The following CIMIP6 variants were observed in gnomAD, a reference collection of about 807,000 sequenced individuals.
The protein encoded by CIMIP6 is uncharacterized protein C2orf73.
the CIMIP6 span, among the ~76,000 whole-genome samples, chr2:54,372,527 T>G: frequency 6.6e-6 from 1 of 151,846 alleles, no homozygotes; most frequent in Non-Finnish European, 1.5e-5. Context: ...AAGGCAGGAG[T>G]GATGACAGGA....
chr2:54,343,647 C>A, the CIMIP6 span: 2 of 1,101,802 alleles, frequency 1.8e-6, no homozygotes, highest in Non-Finnish European at 2.5e-6. Flanking sequence ...TACTGAATAT[C>A]CATAGACATC....
the CIMIP6 span, among the ~76,000 whole-genome samples, chr2:54,333,155 C>A: frequency 2.0e-5 from 3 of 152,118 alleles, no homozygotes; most frequent in Non-Finnish European, 4.4e-5. Context: ...ACAATGTACA[C>A]CTTCATGGAA....
chr2:54,336,264 A>G, the CIMIP6 span, among the ~76,000 whole-genome samples: 12 of 152,278 alleles, frequency 7.9e-5, no homozygotes, highest in African/African-American at 2.9e-4. Context: ...TTTTGTGGTC[A>G]TTCCCTTCCT....
At chr2:54,373,552 C>T in the CIMIP6 span, among the ~76,000 whole-genome samples, 7 of 152,188 alleles carry the variant, frequency 4.6e-5, no homozygotes, top group African/African-American at 1.7e-4. Context: ...TAATACGTGC[C>T]CTGCAAATGC....
chr2:54,379,476 G>A, the CIMIP6 span, among the ~76,000 whole-genome samples: 1 of 152,140 alleles, frequency 6.6e-6, no homozygotes. Context: ...AGATTCTTGG[G>A]GATGAGGTGA....
chr2:54,342,199 T>C, the CIMIP6 span, among the ~76,000 whole-genome samples: 2 of 152,176 alleles, frequency 1.3e-5, no homozygotes, highest in African/African-American at 4.8e-5. Context: ...TCATCAGCTC[T>C]TCAGGGCTTA....
the CIMIP6 span, among the ~76,000 whole-genome samples, chr2:54,336,605 TGGG>T: frequency 1.3e-5 from 2 of 151,908 alleles, no homozygotes; most frequent in Non-Finnish European, 2.9e-5. Flanking sequence ...ATAAAGTAAA[TGGG>T]GGAAAAAAAT....
chr2:54,372,605 G>A, the CIMIP6 span, among the ~76,000 whole-genome samples: 2 of 152,188 alleles, frequency 1.3e-5, no homozygotes, highest in African/African-American at 4.8e-5. Context: ...CTGCTGTGCT[G>A]TGAGGTCATG....
At chr2:54,351,868 C>T in the CIMIP6 span, among the ~76,000 whole-genome samples, 2 of 151,996 alleles carry the variant, frequency 1.3e-5, no homozygotes, top group Non-Finnish European at 2.9e-5. Flanking sequence ...AAAACATTTC[C>T]AAATCCTTAA....
At chr2:54,332,157 C>T in the CIMIP6 span, among the ~76,000 whole-genome samples, 2 of 152,140 alleles carry the variant, frequency 1.3e-5, no homozygotes, top group African/African-American at 4.8e-5. Context: ...AATGCTTTTC[C>T]CACAAATATG....
the CIMIP6 span, among the ~76,000 whole-genome samples, chr2:54,332,526 C>T: frequency 6.6e-6 from 1 of 152,200 alleles, no homozygotes; most frequent in Non-Finnish European, 1.5e-5. Context: ...GAGACAAAGG[C>T]TCAGATATGG....
chr2:54,376,351 A>G, the CIMIP6 span, among the ~76,000 whole-genome samples: 1 of 152,212 alleles, frequency 6.6e-6, no homozygotes, highest in African/African-American at 2.4e-5. Flanking sequence ...TTGAAGAAAA[A>G]TAAAATCCAA....
the CIMIP6 span, among the ~76,000 whole-genome samples, chr2:54,354,827 C>T: frequency 3.3e-5 from 5 of 151,280 alleles, no homozygotes; most frequent in African/African-American, 1.2e-4. Flanking sequence ...TTATAGTATT[C>T]ACCAGGGGCT....
chr2:54,360,139 C>T, the CIMIP6 span: 1 of 1,463,040 alleles, frequency 6.8e-7, no homozygotes, highest in Non-Finnish European at 9.0e-7. Context: ...AAATTCAGTT[C>T]ACAGCTGCAT....
At chr2:54,343,646 T>C in the CIMIP6 span, 3 of 1,092,064 alleles carry the variant, frequency 2.7e-6, no homozygotes, top group Non-Finnish European at 3.8e-6. Flanking sequence ...TTACTGAATA[T>C]CCATAGACAT....
chr2:54,356,599 A>G, the CIMIP6 span, among the ~76,000 whole-genome samples: 1 of 152,096 alleles, frequency 6.6e-6, no homozygotes, highest in Non-Finnish European at 1.5e-5. Flanking sequence ...TTGTCAAGAT[A>G]CAAAAGAGCT....
chr2:54,378,834 A>C, the CIMIP6 span, among the ~76,000 whole-genome samples: 2 of 152,216 alleles, frequency 1.3e-5, no homozygotes, highest in Non-Finnish European at 2.9e-5. Context: ...CTGAATTCTT[A>C]CAGCTGTAGA....
the CIMIP6 span, among the ~76,000 whole-genome samples, chr2:54,364,380 C>A: frequency 6.6e-6 from 1 of 152,008 alleles, no homozygotes; most frequent in Admixed American, 6.6e-5. Context: ...TTATTAAAGT[C>A]AAAAATACTT....
At chr2:54,355,758 T>G in the CIMIP6 span, among the ~76,000 whole-genome samples, 2 of 152,198 alleles carry the variant, frequency 1.3e-5, no homozygotes, top group African/African-American at 4.8e-5. Context: ...TCTAACATTT[T>G]TTGTTATTCC....
Sources: allele counts gnomAD v4.1 joint callset (sites outside exome capture counted in the v4.1 genomes callset), GRCh38; gene constraint gnomAD v4.1.1; transcripts MANE v1.5; gene names NCBI Gene and HGNC (gene_info 2026-07-23, HGNC 2026-07-21).